The following TMEM120B variants were observed in gnomAD, a reference collection of about 807,000 sequenced individuals.
The protein encoded by TMEM120B is transmembrane protein 120B.
Under a neutral mutation model 55.5 loss-of-function variants are expected in TMEM120B, and 31 were observed. The ratio of observed to expected loss-of-function variants is 0.56; its 90% confidence interval spans 0.42 to 0.75. TMEM120B has a LOEUF of 0.75. Ranked by LOEUF, TMEM120B falls within the 30% of genes least tolerant of loss-of-function variation. The probability of loss-of-function intolerance (pLI) is 0.00; values close to 1 mark genes in which losing one functional copy is unlikely to be tolerated. For synonymous variants in TMEM120B, 203 were observed against 176.3 expected, an observed-to-expected ratio of 1.15 and a Z score of -1.20; for missense variants, 399 against 425.5, an observed-to-expected ratio of 0.94 and a Z score of 0.55.
chr12:121,763,000 C>T (rs551909412), intron 6 of TMEM120B, among the ~76,000 whole-genome samples: 49 of 152,170 alleles, frequency 3.2e-4, no homozygotes, highest in African/African-American at 1.1e-3. Context: ...GCTCTGAGTG[C>T]GAGAAGCCCT....
chr12:121,723,211 A>G (rs2136994788), intron 1 of TMEM120B, among the ~76,000 whole-genome samples: 1 of 152,174 alleles, frequency 6.6e-6, no homozygotes, highest in East Asian at 1.9e-4. Context: ...TCCATCGTTC[A>G]GGCTGAAGTG....
intron 1 of TMEM120B, among the ~76,000 whole-genome samples, chr12:121,724,030 CTTTTTTTTTT>C (rs56972824): frequency 5.3e-5 from 4 of 75,962 alleles, no homozygotes; most frequent in East Asian, 3.6e-4. Flanking sequence ...TCAAGTGATC[CTTTTTTTTTT>C]TTTTTTTTTT....
chr12:121,773,767 T>TACACACACACACAC lies in TMEM120B; in HGVS notation c.772+265_772+266insCACACACACACACA, dbSNP rs139459284. Among the ~76,000 whole-genome samples the TACACACACACACAC allele has an allele frequency of 1.6e-3, 247 of 151,272 alleles. 1 individual carries two copies. The highest frequency in any genetic ancestry group is 0.011 in the East Asian group (59 of 5,134). On this transcript the variant is annotated intron_variant, in intron 9 of 11. Transcript: ENST00000449592. ...CTATTTTTTTGTGTGTGTTCTAGAA[T>TACACACACACACAC]ACACACACACAAATTAGCCATTTGT...
rs1280860617 is a variant in TMEM120B, at chr12:121,778,551, A to G, written c.*2829A>G. On this transcript the variant is annotated 3_prime_UTR_variant, in exon 12 of 12. Transcript: ENST00000449592. Reference sequence around the variant, plus strand: ...TGGCTGTTGGTGACACAGGTGGTCTATGAACCAGTTCTGAGAAACTGTCCC... The same window carrying G: ...TGGCTGTTGGTGACACAGGTGGTCTGTGAACCAGTTCTGAGAAACTGTCCC... The G allele has an allele frequency of 6.6e-6, 1 of 151,976 alleles. No individual in the cohort carries two copies. The highest frequency in any genetic ancestry group is 1.5e-5 in the Non-Finnish European group (1 of 68,066). 9.4% of individuals were successfully genotyped at this position (151,976 alleles called of 1,614,324 possible).
At chr12:121,720,497 C>T (rs959770759) in intron 1 of TMEM120B, among the ~76,000 whole-genome samples, 1 of 152,072 alleles carries the variant, frequency 6.6e-6, no homozygotes, top group Non-Finnish European at 1.5e-5. Context: ...GTCATTTGAG[C>T]TCAGGAGTTT....
Position 121,712,847 on chromosome 12 carries a change from C to A in TMEM120B, c.-49C>A, listed in dbSNP as rs771055976. On this transcript the variant is annotated 5_prime_UTR_variant, in exon 1 of 12. Transcript: ENST00000449592. Reference sequence around the variant, plus strand: ...GTGGGGCGCTGGGGGGCCGGTCGGGCAGCGCTGCGGGAGCAGCCGCCGGCA... The same window carrying A: ...GTGGGGCGCTGGGGGGCCGGTCGGGAAGCGCTGCGGGAGCAGCCGCCGGCA... The A allele has an allele frequency of 1.3e-5, 17 of 1,357,840 alleles. No individual in the cohort carries two copies. The highest frequency in any genetic ancestry group is 5.6e-5 in the South Asian group (3 of 54,014). The allele number at this position is 1,357,840 out of a possible 1,614,324, so 84.1% of individuals were successfully genotyped here.
intron 1 of TMEM120B, among the ~76,000 whole-genome samples, chr12:121,718,353 A>AT (rs902222823): frequency 6.6e-5 from 10 of 151,876 alleles, no homozygotes; most frequent in African/African-American, 2.4e-4. Flanking sequence ...ACAAAAAAAA[A>AT]CCTTAGCTGG....
intron 1 of TMEM120B, among the ~76,000 whole-genome samples, chr12:121,742,192 A>G (rs1164420043): frequency 1.4e-5 from 2 of 144,544 alleles, no homozygotes; most frequent in Non-Finnish European, 3.2e-5. Context: ...TAGTAGAGAC[A>G]GGGTTTCACT....
intron 6 of TMEM120B, among the ~76,000 whole-genome samples, chr12:121,768,811 G>T (rs1347502712): frequency 6.6e-6 from 1 of 151,814 alleles, no homozygotes; most frequent in South Asian, 2.1e-4. Flanking sequence ...GATGCTGGGG[G>T]TGGGGGGTGA....
chr12:121,735,818 G>C (rs1216275614), intron 1 of TMEM120B, among the ~76,000 whole-genome samples: 1 of 151,990 alleles, frequency 6.6e-6, no homozygotes, highest in Non-Finnish European at 1.5e-5. Flanking sequence ...AGTCCCCTGA[G>C]TAGCTGGGAT....
Position 121,743,756 on chromosome 12 carries a change from A to G in TMEM120B, c.188+9A>G, listed in dbSNP as rs751615026. 34 of 1,601,960 alleles carry G rather than the reference A, an allele frequency of 2.1e-5. No individual in the cohort carries two copies. The African/African-American group carries it at 4.1e-4, about 20-fold the overall frequency. ...AAGCTTACACTCCAGAGGTAGGTGCAGCTGTAGCCCGGGGGCTGCCCTGGT... is the reference window on the plus strand; with the variant it reads ...AAGCTTACACTCCAGAGGTAGGTGCGGCTGTAGCCCGGGGGCTGCCCTGGT... On this transcript the variant is annotated intron_variant, in intron 2 of 11. Coordinates refer to ENST00000449592, the MANE Select transcript of TMEM120B (RefSeq NM_001080825.2).
At chr12:121,767,980 C>T (rs181982501) in intron 6 of TMEM120B, among the ~76,000 whole-genome samples, 22 of 152,246 alleles carry the variant, frequency 1.4e-4, no homozygotes, top group Admixed American at 7.9e-4. Flanking sequence ...TGAGGGCTGA[C>T]GTGGCTCTGC....
intron 9 of TMEM120B, among the ~76,000 whole-genome samples, chr12:121,773,895 A>G: frequency 6.7e-6 from 1 of 150,322 alleles, no homozygotes; most frequent in African/African-American, 2.4e-5. Context: ...CAGAAAAGTG[A>G]GGAGACACCT....
intron 1 of TMEM120B, among the ~76,000 whole-genome samples, chr12:121,721,062 A>C (rs1894781438): frequency 6.6e-6 from 1 of 152,198 alleles, no homozygotes; most frequent in Non-Finnish European, 1.5e-5. Context: ...GAGATCCCTG[A>C]ATCTTCCAAA....
At position 121,712,772 on chromosome 12, in the gene TMEM120B, C is replaced by A. The variant is rs1261202507; in HGVS notation, c.-124C>A. The A allele has an allele frequency of 3.4e-6, 2 of 587,312 alleles. No individual in the cohort carries two copies. The highest frequency in any genetic ancestry group is 9.0e-5 in the East Asian group (2 of 22,208). 36.4% of individuals were successfully genotyped at this position (587,312 alleles called of 1,614,324 possible). The stretch of plus-strand genomic sequence containing the variant: ...ACGTCAGTTGCGCGCGTGGCTCTGG[C>A]TGCGCAGGAACAGCTGGTGCCTCCG... On this transcript the variant is annotated 5_prime_UTR_variant, in exon 1 of 12. The change creates a new upstream start codon in the 5' untranslated region. Coordinates refer to ENST00000449592, the MANE Select transcript of TMEM120B (RefSeq NM_001080825.2).
At position 121,775,949 on chromosome 12, in the gene TMEM120B, C is replaced by T. The variant is rs918303758; in HGVS notation, c.*227C>T. The T allele has an allele frequency of 3.5e-5, 21 of 607,272 alleles. No homozygotes were observed. Among genetic ancestry groups the T allele is most frequent in the African/African-American group, 1.3e-4 (7 of 54,002 alleles). The allele number at this position is 607,272 out of a possible 1,614,324, so 37.6% of individuals were successfully genotyped here. A position where few individuals can be genotyped will look rare whatever the true frequency, so the allele number is the denominator to read the frequency against. ...TGGGTCCCCCATCGTCCCTGGAACC[C>T]GAGGCCTCACTCCTGTGCTTGAAGG... On this transcript the variant is annotated 3_prime_UTR_variant, in exon 12 of 12. Coordinates refer to ENST00000449592, the MANE Select transcript of TMEM120B (RefSeq NM_001080825.2). This position sits in a 1 kb window ranked among gnomAD's most constrained non-coding sequence, Gnocchi z 4.3.
At position 121,743,799 on chromosome 12, in the gene TMEM120B, C is replaced by T. The variant is rs748961200; in HGVS notation, c.188+52C>T. 5.8e-5 allele frequency: 74 copies of T among 1,278,732 alleles called. No individual in the cohort carries two copies. The South Asian group carries it at 7.6e-4, about 13-fold the overall frequency. 79.2% of individuals were successfully genotyped at this position (1,278,732 alleles called of 1,614,324 possible). On this transcript the variant is annotated intron_variant, in intron 2 of 11. Transcript: ENST00000449592. The stretch of plus-strand genomic sequence containing the variant: ...GCCCTGGTTCTGAGGGACAGAAGTC[C>T]AACTCAAAACAGGCTGAAGCAGAGA...
rs1874384867 is a variant in TMEM120B at position 121,779,906 on chromosome 12, G to A, written c.*4184G>A. 6.1e-6 allele frequency: 3 copies of A among 492,294 alleles called. No homozygotes were observed. Among genetic ancestry groups the A allele is most frequent in the Admixed American group, 3.3e-5 (1 of 30,736 alleles). The allele number at this position is 492,294 out of a possible 1,614,324, so 30.5% of individuals were successfully genotyped here. A position where few individuals can be genotyped will look rare whatever the true frequency, so the allele number is the denominator to read the frequency against. On this transcript the variant is annotated 3_prime_UTR_variant, in exon 12 of 12. Coordinates refer to ENST00000449592, the MANE Select transcript of TMEM120B (RefSeq NM_001080825.2). ...CCACCCTGGCCTCTCTCCAGCTCCG[G>A]GCAGGGAGGGGCTGAATCCTGAGAC...
chr12:121,769,191 G>A (rs963568930), intron 6 of TMEM120B, among the ~76,000 whole-genome samples: 1 of 151,666 alleles, frequency 6.6e-6, no homozygotes, highest in Non-Finnish European at 1.5e-5. Context: ...AAACCCAGCT[G>A]GGGGAGTGCT....
Sources: gnomAD v4.1 joint callset for allele counts (sites outside exome capture counted in the v4.1 genomes callset) on GRCh38, gnomAD v4.1.1 for gene constraint, Gnocchi (gnomAD v3.1) non-coding constraint, MANE v1.5 for transcripts, NCBI Gene and HGNC (gene_info 2026-07-23, HGNC 2026-07-21) for gene names.